The following PRKCG variants were observed in gnomAD, a reference collection of about 807,000 sequenced individuals.
The protein encoded by PRKCG is protein kinase C gamma.
PRKCG carries 28 observed loss-of-function variants against 82.0 expected under a neutral mutation model. The ratio of observed to expected loss-of-function variants is 0.34; its 90% CI spans 0.25 to 0.47. PRKCG has a LOEUF of 0.47. Among genes scored for constraint, PRKCG ranks in the 20% least tolerant of loss-of-function variants. The pLI, the probability that PRKCG is intolerant of heterozygous loss-of-function variation, is 1.00. For synonymous variants in PRKCG, 383 were observed against 376.6 expected (o/e 1.02, Z -0.20); for missense variants, 640 against 952.7 (o/e 0.67, Z 4.32).
chr19:53,904,784 A>G, intron 16 of PRKCG, 42 bp downstream of exon 16: 1 of 1,489,766 alleles, frequency 6.7e-7, no homozygotes, highest in South Asian at 1.1e-5. Flanking sequence ...GCTCACAACC[A>G]CACACCCCAT....
rs761740993 is a variant in PRKCG at position 53,884,155 on chromosome 19, C to G, written c.203-6C>G. 1.1e-5 allele frequency: 17 copies of G among 1,613,674 alleles called. No individual in the cohort carries two copies. The South Asian group carries it at 1.8e-4, about 17-fold the overall frequency. On this transcript the variant is annotated splice_polypyrimidine_tract_variant and splice_region_variant and intron_variant, in intron 2 of 17. Coordinates refer to ENST00000263431, the MANE Select transcript of PRKCG (RefSeq NM_002739.5). This position sits in a 1 kb window ranked among gnomAD's most constrained non-coding sequence, Gnocchi z 4.6. ...CCGTCTGTGTCTCTATGATTTTCAT[C>G]TATAGTCTGCAGCTTTGTGGTTCAT... is the stretch of plus-strand genomic sequence containing the variant.
chr19:53,882,736 G>C lies in PRKCG; in HGVS notation c.170+72G>C. ...GCAGACTCCTATCACGCCGACCCCT[G>C]TGGAAGGAAGAAGGAGGGGGCTGTA... On this transcript the variant is annotated intron_variant, in intron 1 of 17. Coordinates refer to ENST00000263431, the MANE Select transcript of PRKCG (RefSeq NM_002739.5). The surrounding 1 kb of genome is among the most constrained non-coding windows in gnomAD (Gnocchi z 6.1). 6.4e-7 allele frequency: 1 copy of C among 1,572,422 alleles called. No homozygotes were observed. Among genetic ancestry groups the C allele is most frequent in the Non-Finnish European group, 8.6e-7 (1 of 1,157,472 alleles).
In PRKCG at chr19:53,884,353, G is replaced by A; in HGVS notation, c.285+110G>A. The A allele has an allele frequency of 2.8e-6, 3 of 1,083,796 alleles. No individual in the cohort carries two copies. Among genetic ancestry groups the A allele is most frequent in the South Asian group, 2.5e-5 (2 of 79,280 alleles). 67.1% of individuals were successfully genotyped at this position (1,083,796 alleles called of 1,614,324 possible). On this transcript the variant is annotated intron_variant, in intron 3 of 17. Coordinates refer to ENST00000263431, the MANE Select transcript of PRKCG (RefSeq NM_002739.5). The surrounding 1 kb of genome is among the most constrained non-coding windows in gnomAD (Gnocchi z 4.6). ...TTTTTATGGCTGGGAGGGGAGGGGG[G>A]CTGGAGAGATAGGGGGAGCTATCTG...
At chr19:53,894,616 C>T (rs1404545831) in intron 9 of PRKCG, among the ~76,000 whole-genome samples, 1 of 151,990 alleles carries the variant, frequency 6.6e-6, no homozygotes, top group East Asian at 2.0e-4. Context: ...CGCACCACCA[C>T]ACCTGGCTAA....
upstream of PRKCG, among the ~76,000 whole-genome samples, chr19:53,881,424 T>TAG (rs2068588430): frequency 7.0e-6 from 1 of 143,364 alleles, no homozygotes; most frequent in Non-Finnish European, 1.5e-5. Flanking sequence ...TGAGAGAGAA[T>TAG]AGAGATTCAC....
chr19:53,887,835 A>G (rs1055096856), intron 3 of PRKCG, among the ~76,000 whole-genome samples: 1 of 151,676 alleles, frequency 6.6e-6, no homozygotes, highest in African/African-American at 2.4e-5. Flanking sequence ...ATCTCAAAAA[A>G]AAAAAAAAAA....
chr19:53,907,646 T>C lies in PRKCG; in HGVS notation c.*751T>C, dbSNP rs544511515. On this transcript the variant is annotated 3_prime_UTR_variant, in exon 18 of 18. Coordinates refer to ENST00000263431, the MANE Select transcript of PRKCG (RefSeq NM_002739.5). ...CTGGAGAATAAATTTGGGATGCTGA[T>C]GCTGAAGTGTTTGGATATTTTCTTG... 1 of 153,610 alleles carries C rather than the reference T, an allele frequency of 6.5e-6. No individual in the cohort carries two copies. Among genetic ancestry groups the C allele is most frequent in the East Asian group, 1.9e-4 (1 of 5,192 alleles). 9.5% of individuals were successfully genotyped at this position (153,610 alleles called of 1,614,324 possible). A position where few individuals can be genotyped will look rare whatever the true frequency, so the allele number is the denominator to read the frequency against.
In PRKCG at chr19:53,900,164, G is replaced by T. The variant is rs2068752037; in HGVS notation, c.1282-69G>T. On this transcript the variant is annotated intron_variant, in intron 11 of 17. Coordinates refer to ENST00000263431, the MANE Select transcript of PRKCG (RefSeq NM_002739.5). The surrounding 1 kb of genome is among the most constrained non-coding windows in gnomAD (Gnocchi z 4.2). ...GGAACCTTCCACGTCTGTCCTGAGT[G>T]ATCAGGAAAGAAATTCTCCTACTCT... 24 of 1,413,418 alleles carry T rather than the reference G, an allele frequency of 1.7e-5. No homozygotes were observed. Among genetic ancestry groups the T allele is most frequent in the Non-Finnish European group, 2.2e-5 (22 of 997,722 alleles). 87.6% of individuals were successfully genotyped at this position (1,413,418 alleles called of 1,614,324 possible). A position where few individuals can be genotyped will look rare whatever the true frequency, so the allele number is the denominator to read the frequency against.
Position 53,898,640 on chromosome 19 carries a change from G to C in PRKCG, c.1281+12G>C. ...CCTTCCAGACCCCGGTAAGGATGGAGGGGGCGGAGGCTGTCCTCCGGGCCC... is the reference window on the plus strand; with the variant it reads ...CCTTCCAGACCCCGGTAAGGATGGACGGGGCGGAGGCTGTCCTCCGGGCCC... On this transcript the variant is annotated intron_variant, in intron 11 of 17. Transcript: ENST00000263431. The C allele has an allele frequency of 6.4e-7, 1 of 1,562,280 alleles. No individual in the cohort carries two copies.
At chr19:53,902,038 G>A (rs949596346) in intron 14 of PRKCG, among the ~76,000 whole-genome samples, 12 of 152,136 alleles carry the variant, frequency 7.9e-5, no homozygotes, top group African/African-American at 2.4e-4. Flanking sequence ...AGCTACTTGG[G>A]AGGATGTGCC....
chr19:53,902,150 A>G (rs995302499), intron 14 of PRKCG, among the ~76,000 whole-genome samples: 2 of 152,170 alleles, frequency 1.3e-5, no homozygotes, highest in Middle Eastern at 3.2e-3. Flanking sequence ...ATGGTGGCTC[A>G]TGCCTGTAAT....
chr19:53,892,250 C>T lies in PRKCG; in HGVS notation c.687-259C>T, dbSNP rs1568754806. On this transcript the variant is annotated intron_variant, in intron 6 of 17. Coordinates refer to ENST00000263431, the MANE Select transcript of PRKCG (RefSeq NM_002739.5). The surrounding 1 kb of genome is among the most constrained non-coding windows in gnomAD (Gnocchi z 5.9). Reference sequence around the variant, plus strand: ...GGTACAGAGACTCAGAGAGAGAGATCTCGAGAGACAAGAGACAGAGATGGG... The same window carrying T: ...GGTACAGAGACTCAGAGAGAGAGATTTCGAGAGACAAGAGACAGAGATGGG... Among the ~76,000 whole-genome samples the T allele has an allele frequency of 6.6e-6, 1 of 152,034 alleles. No homozygotes were observed. The highest frequency in any genetic ancestry group is 1.5e-5 in the Non-Finnish European group (1 of 67,992).
rs769838281 is a variant in PRKCG at position 53,906,942 on chromosome 19, C to T, written c.*47C>T. On this transcript the variant is annotated 3_prime_UTR_variant, in exon 18 of 18. Coordinates refer to ENST00000263431, the MANE Select transcript of PRKCG (RefSeq NM_002739.5). The stretch of plus-strand genomic sequence containing the variant: ...GTCCCCAACGTCCCCTCCGCCGTGC[C>T]GGCGGCAGCCCCACTTCACCCCCAA... 9.9e-6 allele frequency: 16 copies of T among 1,611,114 alleles called. No homozygotes were observed. The African/African-American group carries it at 1.3e-4, about 14-fold the overall frequency.
Position 53,883,258 on chromosome 19 carries a change from G to A in PRKCG, c.202+64G>A. 1 of 1,586,108 alleles carries A rather than the reference G, an allele frequency of 6.3e-7. No individual in the cohort carries two copies. ...GGGTGGAGGCTGGGGCCCCACAGCT[G>A]AGGCTGCTTGACACACGTGTTCTCT... On this transcript the variant is annotated intron_variant, in intron 2 of 17. Transcript: ENST00000263431. The surrounding 1 kb of genome is among the most constrained non-coding windows in gnomAD (Gnocchi z 5.4).
chr19:53,881,100 GTCAT>G (rs2068584867), upstream of PRKCG, among the ~76,000 whole-genome samples: 1 of 141,844 alleles, frequency 7.1e-6, no homozygotes, highest in South Asian at 2.4e-4. Flanking sequence ...GAGAGACTGA[GTCAT>G]AGACAGGAGA....
Position 53,882,677 on chromosome 19 carries a change from G to A in PRKCG, c.170+13G>A, listed in dbSNP as rs1394393842. On this transcript the variant is annotated intron_variant, in intron 1 of 17. Transcript: ENST00000263431. This position sits in a 1 kb window ranked among gnomAD's most constrained non-coding sequence, Gnocchi z 6.1. ...CCGACTTCATCTGGTGAGGGAAGGGGGCTGGGGGACTGGGGGACGAGGGGA... is the reference window on the plus strand; with the variant it reads ...CCGACTTCATCTGGTGAGGGAAGGGAGCTGGGGGACTGGGGGACGAGGGGA... The A allele has an allele frequency of 1.2e-6, 2 of 1,611,480 alleles. No homozygotes were observed. Among genetic ancestry groups the A allele is most frequent in the Middle Eastern group, 2.2e-4 (1 of 4,520 alleles).
intron 5 of PRKCG, 59 bp from the exon 6 acceptor site, chr19:53,891,615 G>A: frequency 1.9e-6 from 3 of 1,596,676 alleles, no homozygotes; most frequent in Non-Finnish European, 2.6e-6. Flanking sequence ...ACTGGAGGAG[G>A]GCTGGGAGCC....
In PRKCG at chr19:53,883,582, C is replaced by G. The variant is rs929224360; in HGVS notation, c.202+388C>G. On this transcript the variant is annotated intron_variant, in intron 2 of 17. Coordinates refer to ENST00000263431, the MANE Select transcript of PRKCG (RefSeq NM_002739.5). This position sits in a 1 kb window ranked among gnomAD's most constrained non-coding sequence, Gnocchi z 5.4. ...ACCAGCCGTCCTAGGCAGGGGCAGG[C>G]CGGGTGGGGTCACCAATGGGCGAGT... Among the ~76,000 whole-genome samples, 13 of 150,852 alleles carry G rather than the reference C, an allele frequency of 8.6e-5. No individual in the cohort carries two copies. The highest frequency in any genetic ancestry group is 2.9e-4 in the African/African-American group (12 of 40,998).
chr19:53,889,628 C>G lies in PRKCG; in HGVS notation c.286-10C>G. On this transcript the variant is annotated splice_polypyrimidine_tract_variant and intron_variant, in intron 3 of 17. Transcript: ENST00000263431. The surrounding 1 kb of genome is among the most constrained non-coding windows in gnomAD (Gnocchi z 4.4). Reference sequence around the variant, plus strand: ...CCAACGCCCCCTAAGCCAGTCTTCTCTGCCCCCAGGACCCCCGGAACAAAC... The same window carrying G: ...CCAACGCCCCCTAAGCCAGTCTTCTGTGCCCCCAGGACCCCCGGAACAAAC... 6.2e-7 allele frequency: 1 copy of G among 1,612,976 alleles called. No homozygotes were observed.
Sources: gnomAD v4.1 joint callset for allele counts (sites outside exome capture counted in the v4.1 genomes callset) on GRCh38, gnomAD v4.1.1 for gene constraint, Gnocchi (gnomAD v3.1) non-coding constraint, MANE v1.5 for transcripts, NCBI Gene and HGNC (gene_info 2026-07-23, HGNC 2026-07-21) for gene names.